ZNF157: variants seen among roughly 807,000 people sequenced by gnomAD.
ZNF157 encodes zinc finger protein 22.
A neutral mutation model predicts 9.4 loss-of-function variants in ZNF157; 8 were observed. The ratio of observed to expected loss-of-function variants is 0.85; its 90% CI spans 0.50 to 1.53. ZNF157 has a LOEUF of 1.53. ZNF157 is among the 40% of genes most tolerant of loss of function. ZNF157 has a pLI of 0.00. For synonymous variants in ZNF157, 120 were observed against 130.8 expected (o/e 0.92, Z 0.56); for missense variants, 316 against 385.2 (o/e 0.82, Z 1.50).
rs184307231 is a variant in ZNF157 at position 47,402,588 on chromosome X, G to A, written c.73-7688G>A. 7.5e-3 allele frequency among the ~76,000 whole-genome samples: 764 copies of A among 102,128 alleles called. 10 individuals are homozygous for A. The highest frequency in any genetic ancestry group is 0.027 in the African/African-American group (732 of 27,405). 88.7% of individuals were successfully genotyped at this position (102,128 alleles called of 115,157 possible). On this transcript the variant is annotated intron_variant, in intron 1 of 3. Transcript: ENST00000377073. The stretch of plus-strand genomic sequence containing the variant: ...AGAGTCTTGCTCTGTCGCCCAGGCC[G>A]GAGTGCAGTGGTATGATCTCAGCTC...
chrX:47,391,749 C>T (rs755328867), intron 1 of ZNF157, among the ~76,000 whole-genome samples: 3 of 111,754 alleles, frequency 2.7e-5, no homozygotes, highest in African/African-American at 9.7e-5. Flanking sequence ...TGGGTTTCAC[C>T]GTGTTGGCCA....
intron 1 of ZNF157, among the ~76,000 whole-genome samples, chrX:47,403,867 G>A (rs985366163): frequency 1.2e-4 from 13 of 111,430 alleles, no homozygotes; most frequent in African/African-American, 3.9e-4. Context: ...CCCCAGCAAA[G>A]AAATAAAAGA....
chrX:47,396,545 A>G (rs1042096827), intron 1 of ZNF157, among the ~76,000 whole-genome samples: 37 of 111,168 alleles, frequency 3.3e-4, no homozygotes, highest in Admixed American at 1.7e-3. Context: ...GTCTCAAAAA[A>G]AAAAAGTTAT....
Position 47,389,350 on chromosome X carries a change from AT to A in ZNF157, c.72+18625del, listed in dbSNP as rs763942145. 6.8e-3 allele frequency among the ~76,000 whole-genome samples: 658 copies of A among 96,205 alleles called. 6 individuals carry two copies. The highest frequency in any genetic ancestry group is 0.017 in the African/African-American group (447 of 26,685). 83.5% of individuals were successfully genotyped at this position (96,205 alleles called of 115,157 possible). On this transcript the variant is annotated intron_variant, in intron 1 of 3. Transcript: ENST00000377073. ...CCTTCCAAGTAGCTGGGAGCCATTA[AT>A]TTTTTTTTTTTTTTCCAAGACAGAG...
chrX:47,400,439 C>T (rs1266766211), intron 1 of ZNF157, among the ~76,000 whole-genome samples: 2 of 111,798 alleles, frequency 1.8e-5, no homozygotes, highest in Non-Finnish European at 3.8e-5. Context: ...GGATTATAGG[C>T]ATGAGCTACT....
In ZNF157 at chrX:47,412,556, C is replaced by T; in HGVS notation, c.483C>T (p.Asn161=). ...AAAGAACACCCAGAGGAGATAAAAA[C>T]TTTGAATGTCATGAATGTGGGAAAG... ...RRKRTPRGDK[N]FECHECGKAY... The change falls in exon 4 of 4, where the codon AAC becomes AAT. Residue 161 remains asparagine, a synonymous_variant. Transcript: ENST00000377073. The T allele has an allele frequency of 1.7e-6, 2 of 1,212,060 alleles. No individual in the cohort carries two copies. Among genetic ancestry groups the T allele is most frequent in the South Asian group, 3.5e-5 (2 of 57,027 alleles).
At chrX:47,388,842 T>G in intron 1 of ZNF157, 1 of 115,804 alleles carries the variant, frequency 8.6e-6, no homozygotes, top group Non-Finnish European at 1.9e-5. Flanking sequence ...CTTTTCTTTT[T>G]TTTGAGATGG....
chrX:47,405,982 C>T (rs1056079089), intron 1 of ZNF157, among the ~76,000 whole-genome samples: 11 of 101,032 alleles, frequency 1.1e-4, no homozygotes, highest in Admixed American at 3.4e-4. Flanking sequence ...AATGTGTAGT[C>T]TTTTATCCCT....
At chrX:47,406,377 TC>T (rs778522635) in intron 1 of ZNF157, among the ~76,000 whole-genome samples, 16 of 110,429 alleles carry the variant, frequency 1.4e-4, no homozygotes, top group Non-Finnish European at 3.0e-4. Context: ...TCTCTCTCTC[TC>T]TTTTTCTTTT....
At chrX:47,410,817 A>G in intron 3 of ZNF157, 42 bp downstream of exon 3, 2 of 1,065,585 alleles carry the variant, frequency 1.9e-6, no homozygotes, top group Non-Finnish European at 2.6e-6. Context: ...AAATAGGGGA[A>G]ATAAGAGCCC....
chrX:47,400,880 C>A (rs760043560), intron 1 of ZNF157, among the ~76,000 whole-genome samples: 1 of 111,464 alleles, frequency 9.0e-6, no homozygotes, highest in African/African-American at 3.3e-5. Context: ...TGGTCTTGAA[C>A]TCCTGGCCTA....
Position 47,392,313 on chromosome X carries a change from A to G in ZNF157, c.73-17963A>G, listed in dbSNP as rs753304452. ...CATCAGCTGCCATGACACTATGACAACTGTGATGTTACTCTTGGCCACTGT... is the reference window on the plus strand; with the variant it reads ...CATCAGCTGCCATGACACTATGACAGCTGTGATGTTACTCTTGGCCACTGT... On this transcript the variant is annotated intron_variant, in intron 1 of 3. Transcript: ENST00000377073. 1.3e-4 allele frequency: 17 copies of G among 131,758 alleles called. No individual in the cohort carries two copies. The South Asian group carries it at 3.4e-3, about 27-fold the overall frequency. 10.9% of individuals were successfully genotyped at this position (131,758 alleles called of 1,213,427 possible).
chrX:47,380,770 TTC>T (rs1284778353), intron 1 of ZNF157, among the ~76,000 whole-genome samples: 1 of 80,506 alleles, frequency 1.2e-5, no homozygotes, highest in Non-Finnish European at 2.3e-5. Flanking sequence ...ATTATTATTT[TTC>T]TTTTTTTTTT....
intron 1 of ZNF157, among the ~76,000 whole-genome samples, chrX:47,372,919 G>A (rs2055832895): frequency 9.0e-6 from 1 of 110,558 alleles, no homozygotes; most frequent in Admixed American, 9.8e-5. Flanking sequence ...TAAAGCTCAG[G>A]TGGGGCACGG....
Position 47,412,359 on chromosome X carries a change from A to G in ZNF157, c.296-10A>G. 1 of 1,167,596 alleles carries G rather than the reference A, an allele frequency of 8.6e-7. No homozygotes were observed. The highest frequency in any genetic ancestry group is 1.1e-6 in the Non-Finnish European group (1 of 870,298). On this transcript the variant is annotated splice_polypyrimidine_tract_variant and intron_variant, in intron 3 of 3. Coordinates refer to ENST00000377073, the MANE Select transcript of ZNF157 (RefSeq NM_003446.4). ...ATAAAAGAGTGACATGCTGTGATTT[A>G]TTTTTAAAGGATCTCTCTCACTGCT...
chrX:47,402,931 C>T (rs2055935016), intron 1 of ZNF157, among the ~76,000 whole-genome samples: 2 of 109,713 alleles, frequency 1.8e-5, no homozygotes, highest in Non-Finnish European at 3.8e-5. Context: ...TTTAGTGTCA[C>T]CATCACCTGA....
At chrX:47,378,581 G>A (rs2055851881) in intron 1 of ZNF157, among the ~76,000 whole-genome samples, 1 of 112,031 alleles carries the variant, frequency 8.9e-6, no homozygotes, top group African/African-American at 3.2e-5. Context: ...GGTGGCTCAT[G>A]CCTGTAATCC....
rs762285560 is a variant in ZNF157, at chrX:47,402,578, C to T, written c.73-7698C>T. ...TTTTGGAGTCAGAGTCTTGCTCTGTCGCCCAGGCCGGAGTGCAGTGGTATG... is the reference window on the plus strand; with the variant it reads ...TTTTGGAGTCAGAGTCTTGCTCTGTTGCCCAGGCCGGAGTGCAGTGGTATG... On this transcript the variant is annotated intron_variant, in intron 1 of 3. Transcript: ENST00000377073. Among the ~76,000 whole-genome samples the T allele has an allele frequency of 3.3e-3, 325 of 97,237 alleles. 2 individuals carry two copies. Among genetic ancestry groups the T allele is most frequent in the African/African-American group, 0.012 (313 of 25,518 alleles). 84.4% of individuals were successfully genotyped at this position (97,237 alleles called of 115,157 possible). A position where few individuals can be genotyped will look rare whatever the true frequency, so the allele number is the denominator to read the frequency against.
At chrX:47,381,662 T>C (rs2055863917) in intron 1 of ZNF157, among the ~76,000 whole-genome samples, 1 of 111,584 alleles carries the variant, frequency 9.0e-6, no homozygotes, top group East Asian at 2.8e-4. Context: ...CTGAAATGGA[T>C]TGTGAGAGTA....
Sources: gnomAD v4.1 joint callset for allele counts (sites outside exome capture counted in the v4.1 genomes callset) on GRCh38, gnomAD v4.1.1 for gene constraint, MANE v1.5 for transcripts, NCBI Gene and HGNC (gene_info 2026-07-23, HGNC 2026-07-21) for gene names.